The following COPG2 variants were observed in gnomAD, a reference collection of about 807,000 sequenced individuals.
COPG2 encodes coatomer subunit gamma-2.
In COPG2, 37 loss-of-function variants were observed where a neutral mutation model predicts 46.3. That is an observed-to-expected ratio of 0.80 (90% CI 0.61 to 1.05). The LOEUF is 1.05. Ranked by LOEUF, COPG2 falls within the 50% of genes least tolerant of loss-of-function variation. The pLI is 0.00. For synonymous variants in COPG2, 159 were observed against 129.7 expected (o/e 1.23, Z -1.53); for missense variants, 427 against 387.8 (o/e 1.10, Z -0.85).
chr7:130,598,541 AG>A (rs1794572601), intron 9 of COPG2, among the ~76,000 whole-genome samples: 1 of 152,134 alleles, frequency 6.6e-6, no homozygotes, highest in Non-Finnish European at 1.5e-5. Context: ...AAACAATAGG[AG>A]GCTATCTTAA....
chr7:130,608,803 T>C (rs1554451637), intron 9 of COPG2, among the ~76,000 whole-genome samples: 1 of 152,126 alleles, frequency 6.6e-6, no homozygotes, highest in African/African-American at 2.4e-5. Context: ...GACTAGGTTA[T>C]GATTAGGTGT....
intron 12 of COPG2, among the ~76,000 whole-genome samples, chr7:130,559,359 A>T (rs1210887489): frequency 6.6e-6 from 1 of 152,160 alleles, no homozygotes; most frequent in Non-Finnish European, 1.5e-5. Flanking sequence ...GGGCCGGAGA[A>T]CCCACTCACA....
At chr7:130,659,959 C>A (rs1399272954) in intron 4 of COPG2, among the ~76,000 whole-genome samples, 2 of 152,094 alleles carry the variant, frequency 1.3e-5, no homozygotes, top group Admixed American at 1.3e-4. Flanking sequence ...TTAAGACACA[C>A]AAAAATGCAA....
chr7:130,667,812 T>C (rs1796118345), intron 1 of COPG2, among the ~76,000 whole-genome samples: 1 of 151,664 alleles, frequency 6.6e-6, no homozygotes, highest in African/African-American at 2.4e-5. Flanking sequence ...AAATGTGTCA[T>C]TTCCACAACA....
chr7:130,633,500 G>T (rs1314733463), intron 5 of COPG2, among the ~76,000 whole-genome samples: 1 of 152,022 alleles, frequency 6.6e-6, no homozygotes, highest in African/African-American at 2.4e-5. Context: ...GACCAGTGAT[G>T]ATGAGCTTTA....
intron 9 of COPG2, among the ~76,000 whole-genome samples, chr7:130,564,835 G>C (rs1793776972): frequency 6.6e-6 from 1 of 152,154 alleles, no homozygotes. Context: ...TATGTGACCT[G>C]TCTGGTGCTC....
intron 5 of COPG2, among the ~76,000 whole-genome samples, chr7:130,649,412 A>T (rs1318596297): frequency 6.6e-6 from 1 of 152,226 alleles, no homozygotes; most frequent in African/African-American, 2.4e-5. Context: ...ATTAGTGGCA[A>T]AAAGAAACTA....
chr7:130,644,340 G>C (rs1795550869), intron 5 of COPG2, among the ~76,000 whole-genome samples: 1 of 152,130 alleles, frequency 6.6e-6, no homozygotes, highest in African/African-American at 2.4e-5. Context: ...TTCTAGGTTA[G>C]GAGTTCCCAA....
At chr7:130,513,315 A>C (rs1799634570) in intron 20 of COPG2, among the ~76,000 whole-genome samples, 1 of 36,692 alleles carries the variant, frequency 2.7e-5, no homozygotes, top group Non-Finnish European at 5.4e-5. Context: ...AAAAATATAT[A>C]TATATATATA....
chr7:130,595,748 A>G (rs1794513665), intron 9 of COPG2, among the ~76,000 whole-genome samples: 2 of 152,086 alleles, frequency 1.3e-5, no homozygotes, highest in South Asian at 4.1e-4. Flanking sequence ...CCTTCTCATG[A>G]TGGTGTCAAG....
At chr7:130,656,178 T>C (rs1020004605) in intron 4 of COPG2, among the ~76,000 whole-genome samples, 12 of 152,252 alleles carry the variant, frequency 7.9e-5, no homozygotes, top group African/African-American at 2.9e-4. Flanking sequence ...TTCCTCTTTT[T>C]TTCCCCTTCT....
intron 5 of COPG2, among the ~76,000 whole-genome samples, chr7:130,638,529 C>T (rs545331265): frequency 7.2e-5 from 11 of 152,200 alleles, no homozygotes; most frequent in South Asian, 2.1e-4. Flanking sequence ...ATACTGTGAG[C>T]GGAAAACCAC....
At chr7:130,546,622 G>C (rs1349576306) in intron 20 of COPG2, among the ~76,000 whole-genome samples, 1 of 152,166 alleles carries the variant, frequency 6.6e-6, no homozygotes, top group Non-Finnish European at 1.5e-5. Flanking sequence ...GTGCCAACGT[G>C]AATCTACCTC....
At chr7:130,623,476 A>G (rs955648663) in intron 5 of COPG2, among the ~76,000 whole-genome samples, 27 of 152,166 alleles carry the variant, frequency 1.8e-4, no homozygotes, top group Non-Finnish European at 1.6e-4. Context: ...CCTTAGATTT[A>G]CTGACTAGTA....
intron 9 of COPG2, among the ~76,000 whole-genome samples, chr7:130,598,297 C>T (rs1294397243): frequency 6.6e-6 from 1 of 152,090 alleles, no homozygotes; most frequent in African/African-American, 2.4e-5. Context: ...AGCAATGCCT[C>T]GGCATGAGAA....
chr7:130,582,241 T>C (rs1291136221), intron 9 of COPG2, among the ~76,000 whole-genome samples: 2 of 149,364 alleles, frequency 1.3e-5, no homozygotes, highest in South Asian at 4.4e-4. Context: ...AAACAAGAAA[T>C]GGGGAAAGGA....
intron 9 of COPG2, among the ~76,000 whole-genome samples, chr7:130,586,775 A>G (rs1305385926): frequency 6.6e-6 from 1 of 151,802 alleles, no homozygotes; most frequent in Non-Finnish European, 1.5e-5. Flanking sequence ...TTATGGAAAA[A>G]TTTTCTAAAA....
intron 20 of COPG2, among the ~76,000 whole-genome samples, chr7:130,530,249 G>A (rs1799811224): frequency 6.6e-6 from 1 of 152,168 alleles, no homozygotes; most frequent in African/African-American, 2.4e-5. Context: ...AGGCACGATG[G>A]CAGGGGTGCA....
intron 20 of COPG2, among the ~76,000 whole-genome samples, chr7:130,535,404 T>TAAGCAGGACAGCCAC (rs1799868709): frequency 6.6e-6 from 1 of 151,276 alleles, no homozygotes; most frequent in Admixed American, 6.6e-5. Context: ...AGGACAGCCA[T>TAAGCAGGACAGCCAC]AAGCAGGACA....
Sources: gnomAD v4.1 joint callset for allele counts (sites outside exome capture counted in the v4.1 genomes callset) on GRCh38, gnomAD v4.1.1 for gene constraint, MANE v1.5 for transcripts, NCBI Gene and HGNC (gene_info 2026-07-23, HGNC 2026-07-21) for gene names.